The following USP30 variants were observed in gnomAD, a reference collection of about 807,000 sequenced individuals.
USP30 encodes ubiquitin carboxyl-terminal hydrolase 30.
In USP30, 41 loss-of-function variants were observed where a neutral mutation model predicts 68.2. That is an observed-to-expected ratio of 0.60 (90% CI 0.47 to 0.78). The LOEUF (loss-of-function observed/expected upper bound fraction) is 0.78, where lower values mean the gene tolerates loss of function less well. Among genes scored for constraint, USP30 ranks in the 30% least tolerant of loss-of-function variants. The probability of loss-of-function intolerance (pLI) is 0.00; values close to 1 mark genes in which losing one functional copy is unlikely to be tolerated. For synonymous variants in USP30, 229 were observed against 253.7 expected (o/e 0.90, Z 0.93); for missense variants, 522 against 649.4 (o/e 0.80, Z 2.13).
In USP30 at chr12:109,085,890, A is replaced by G. The variant is rs775821199; in HGVS notation, c.1513A>G (p.Arg505Gly). 6.2e-7 allele frequency: 1 copy of G among 1,614,152 alleles called. No homozygotes were observed. The highest frequency in any genetic ancestry group is 2.2e-5 in the East Asian group (1 of 44,892). The change falls in exon 13 of 13, where the codon AGG becomes GGG. Residue 505 changes from arginine (R) to glycine (G), a missense_variant. Arg to Gly is a moderately radical substitution (Grantham distance 125, BLOSUM62 -2). Transcript: ENST00000257548. ...YLLFYERVLS[R>G]MQHQSQECKS... Reference sequence around the variant, plus strand: ...GCTGTTCTACGAGCGCGTCCTTTCCAGGATGCAGCACCAGAGCCAGGAGTG... The same window carrying G: ...GCTGTTCTACGAGCGCGTCCTTTCCGGGATGCAGCACCAGAGCCAGGAGTG...
chr12:109,076,021 C>T (rs959211932), intron 7 of USP30, among the ~76,000 whole-genome samples: 6 of 151,870 alleles, frequency 4.0e-5, no homozygotes, highest in Admixed American at 6.6e-5. Context: ...TGTGTCATTG[C>T]GGTTCTGAGT....
chr12:109,035,553 G>C (rs549146061), intron 3 of USP30, among the ~76,000 whole-genome samples: 1 of 152,140 alleles, frequency 6.6e-6, no homozygotes, highest in South Asian at 2.1e-4. Flanking sequence ...TAGTAGAGAT[G>C]AGGTTTCACC....
intron 7 of USP30, among the ~76,000 whole-genome samples, chr12:109,079,333 C>CTTTTTTTTTTTT (rs2041711530): frequency 2.9e-5 from 1 of 34,574 alleles, no homozygotes; most frequent in Non-Finnish European, 6.7e-5. Context: ...TTTTTCTTTT[C>CTTTTTTTTTTTT]TTTTTCTTTT....
chr12:109,081,985 C>T lies in USP30; in HGVS notation c.833C>T (p.Ser278Leu), dbSNP rs746770753. The T allele has an allele frequency of 1.2e-6, 2 of 1,614,252 alleles. No individual in the cohort carries two copies. Among genetic ancestry groups the T allele is most frequent in the African/African-American group, 1.3e-5 (1 of 75,064 alleles). ...HCLHHFISSE[S>L]VRDVVCDNCT... The stretch of plus-strand genomic sequence containing the variant: ...CTTCACCACTTCATCTCATCAGAAT[C>T]AGTGCGGGATGTTGTGTGTGACAAC... Residue 278 changes from serine to leucine, a missense_variant, in exon 9 of 13, where the codon TCA (serine) becomes TTA (leucine). Coordinates refer to ENST00000257548, the MANE Select transcript of USP30 (RefSeq NM_032663.5).
Position 109,061,433 on chromosome 12 carries a change from G to C in USP30, c.376+3325G>C, listed in dbSNP as rs1470921561. Among the ~76,000 whole-genome samples, 3 of 149,072 alleles carry C rather than the reference G, an allele frequency of 2.0e-5. No individual in the cohort carries two copies. In the East Asian group the frequency reaches 5.9e-4, roughly 29 times the overall value. On this transcript the variant is annotated intron_variant, in intron 3 of 12. Coordinates refer to ENST00000257548, the MANE Select transcript of USP30 (RefSeq NM_032663.5). ...AAATTTTTTTTTTTTTTTAGACAGG[G>C]TTCTTCTGTCTGTCGCCCAGGCTGG...
chr12:109,077,878 A>C (rs1176806727), intron 7 of USP30, among the ~76,000 whole-genome samples: 1 of 151,982 alleles, frequency 6.6e-6, no homozygotes, highest in Non-Finnish European at 1.5e-5. Context: ...ACCTTATCAC[A>C]TTCTATTTAG....
In USP30 at chr12:109,087,787, A is replaced by G. The variant is rs2041980197; in HGVS notation, c.*1856A>G. 1 of 156,682 alleles carries G rather than the reference A, an allele frequency of 6.4e-6. No individual in the cohort carries two copies. The highest frequency in any genetic ancestry group is 1.4e-5 in the Non-Finnish European group (1 of 71,078). The allele number at this position is 156,682 out of a possible 1,614,324, so 9.7% of individuals were successfully genotyped here. A position where few individuals can be genotyped will look rare whatever the true frequency, so the allele number is the denominator to read the frequency against. ...TGAGCCAAGGCTGTAAATGTGAACAATAGCTGTGCAAAGCCTTTTAACCTG... is the reference window on the plus strand; with the variant it reads ...TGAGCCAAGGCTGTAAATGTGAACAGTAGCTGTGCAAAGCCTTTTAACCTG... On this transcript the variant is annotated 3_prime_UTR_variant, in exon 13 of 13. Coordinates refer to ENST00000257548, the MANE Select transcript of USP30 (RefSeq NM_032663.5).
At chr12:109,084,123 GA>G (rs2041881477) in intron 11 of USP30, among the ~76,000 whole-genome samples, 1 of 152,194 alleles carries the variant, frequency 6.6e-6, no homozygotes, top group Non-Finnish European at 1.5e-5. Flanking sequence ...AGCACTTTGG[GA>G]GATTGAGGTG....
chr12:109,076,771 G>A (rs1255316009), intron 7 of USP30, among the ~76,000 whole-genome samples: 62 of 129,748 alleles, frequency 4.8e-4, no homozygotes, highest in Admixed American at 2.8e-3. Context: ...TTGCTCTGTC[G>A]CCCAGGCTGG....
chr12:109,042,394 A>G (rs1156622643), intron 3 of USP30, among the ~76,000 whole-genome samples: 1 of 152,120 alleles, frequency 6.6e-6, no homozygotes, highest in East Asian at 1.9e-4. Flanking sequence ...CCAGTTACTT[A>G]TTTATCCCTA....
At chr12:109,082,171 C>T in intron 9 of USP30, 152 bp downstream of exon 9, 1 of 750,478 alleles carries the variant, frequency 1.3e-6, no homozygotes, top group Non-Finnish European at 2.2e-6. Flanking sequence ...ACATTGGCAG[C>T]TCATGGACCA....
chr12:109,043,501 G>A (rs1308538686), intron 3 of USP30, among the ~76,000 whole-genome samples: 1 of 152,196 alleles, frequency 6.6e-6, no homozygotes, highest in East Asian at 1.9e-4. Context: ...TCATCAAATA[G>A]TTCTGGGAAA....
intron 3 of USP30, among the ~76,000 whole-genome samples, chr12:109,059,801 C>A (rs1184066437): frequency 6.6e-6 from 1 of 152,202 alleles, no homozygotes; most frequent in Non-Finnish European, 1.5e-5. Flanking sequence ...TGAGCCACTG[C>A]ACCTAGCCCA....
rs1161366888 is a variant in USP30, at chr12:109,071,659, G to A, written c.528G>A (p.Glu176=). 6 of 1,614,074 alleles carry A rather than the reference G, an allele frequency of 3.7e-6. No homozygotes were observed. Among genetic ancestry groups the A allele is most frequent in the Non-Finnish European group, 4.2e-6 (5 of 1,180,038 alleles). The stretch of plus-strand genomic sequence containing the variant: ...TCATTACCTCGTCATTGGAAGATGA[G>A]CGAGACCGCCAGCCTCGGGTCACAC... ...FHVITSSLED[E]RDRQPRVTHL... The change falls in exon 5 of 13, where the codon GAG becomes GAA. Residue 176 remains glutamate (E), a synonymous_variant. Coordinates refer to ENST00000257548, the MANE Select transcript of USP30 (RefSeq NM_032663.5).
At chr12:109,051,342 C>T (rs548731002), upstream of USP30, among the ~76,000 whole-genome samples, 188 of 150,024 alleles carry the variant, frequency 1.3e-3, no homozygotes, top group African/African-American at 4.2e-3. Flanking sequence ...CTGCAGCCTC[C>T]GCCTCCCAGG....
chr12:109,081,645 A>G (rs556895145), intron 8 of USP30: 5 of 595,432 alleles, frequency 8.4e-6, no homozygotes, highest in East Asian at 5.6e-5. Context: ...ACACACACAC[A>G]CACACACACA....
At chr12:109,054,500 A>G (rs1215063727) in intron 1 of USP30, among the ~76,000 whole-genome samples, 2 of 151,198 alleles carry the variant, frequency 1.3e-5, no homozygotes, top group African/African-American at 2.4e-5. Context: ...CAGCCTGGGC[A>G]CTAGAGCAAC....
At chr12:109,081,602 A>C (rs923817193) in intron 8 of USP30, 2 of 589,088 alleles carry the variant, frequency 3.4e-6, no homozygotes, top group African/African-American at 2.1e-5. Context: ...TGGCTTTTTG[A>C]ATACACACGC....
intron 7 of USP30, among the ~76,000 whole-genome samples, chr12:109,076,967 C>T (rs1388492713): frequency 3.3e-5 from 5 of 152,040 alleles, no homozygotes; most frequent in African/African-American, 7.2e-5. Flanking sequence ...CTCCTGACCT[C>T]GTGATCCGCC....
Sources: gnomAD v4.1 joint callset for allele counts (sites outside exome capture counted in the v4.1 genomes callset) on GRCh38, gnomAD v4.1.1 for gene constraint, MANE v1.5 for transcripts, NCBI Gene and HGNC (gene_info 2026-07-23, HGNC 2026-07-21) for gene names.